The following ADCK5 variants were observed in gnomAD, a reference collection of about 807,000 sequenced individuals.
ADCK5 encodes uncharacterized aarF domain-containing protein kinase 5.
In ADCK5, 43 loss-of-function variants were observed where a neutral mutation model predicts 64.9. The observed-to-expected ratio is 0.66, with a 90% confidence interval of 0.52 to 0.85. ADCK5 has a LOEUF of 0.85. Among genes scored for constraint, ADCK5 ranks in the 40% least tolerant of loss-of-function variants. The pLI is 0.00. For synonymous variants in ADCK5, 434 were observed against 342.8 expected (o/e 1.27, Z -2.94); for missense variants, 760 against 810.5 (o/e 0.94, Z 0.76).
At chr8:144,382,692 C>G (rs1586582455) in intron 2 of ADCK5, among the ~76,000 whole-genome samples, 1 of 152,332 alleles carries the variant, frequency 6.6e-6, no homozygotes, top group South Asian at 2.1e-4. Flanking sequence ...TGCTGATGAC[C>G]ATCCAGTTGA....
rs1554861122 is a variant in ADCK5 at position 144,392,296 on chromosome 8, G to A, written c.1218G>A (p.Leu406=). 2.0e-6 allele frequency: 3 copies of A among 1,509,354 alleles called. No individual in the cohort carries two copies. The highest frequency in any genetic ancestry group is 2.6e-6 in the Non-Finnish European group (3 of 1,132,246). 93.5% of individuals were successfully genotyped at this position (1,509,354 alleles called of 1,614,324 possible). A position where few individuals can be genotyped will look rare whatever the true frequency, so the allele number is the denominator to read the frequency against. Residue 406 remains leucine (L), a synonymous_variant, in exon 12 of 15, where the codon CTG becomes CTA. Coordinates refer to ENST00000308860, the MANE Select transcript of ADCK5 (RefSeq NM_174922.5). ...ALCQLWRAII[L]RDDAAMRAHA... is the part of the protein sequence containing the mutation. ...GCCAGCTGTGGCGGGCCATCATCCT[G>A]CGGGACGACGCCGCCATGAGGGCGC...
Position 144,392,861 on chromosome 8 carries a change from T to G in ADCK5, c.1606T>G (p.Trp536Gly). ...CCTCCTGCGCCACGCCAAGGTCGTC[T>G]GGGAGATGCTCAAGTTTGAAGTGGC... The part of the protein sequence containing the change: ...TSLLRHAKVV[W>G]EMLKFEVALR... Residue 536 changes from tryptophan (W) to glycine (G), a missense_variant, in exon 14 of 15, where the codon TGG becomes GGG. Physicochemically the swap from Trp to Gly is radical, Grantham distance 184. Transcript: ENST00000308860. The G allele has an allele frequency of 6.2e-7, 1 of 1,600,234 alleles. No homozygotes were observed. The highest frequency in any genetic ancestry group is 2.2e-5 in the East Asian group (1 of 44,558).
chr8:144,374,948 G>T (rs1586571071), intron 1 of ADCK5, among the ~76,000 whole-genome samples: 3 of 152,258 alleles, frequency 2.0e-5, no homozygotes, highest in Non-Finnish European at 4.4e-5. Context: ...CAGAAGAGAT[G>T]AAGGGGCTCC....
chr8:144,383,084 C>G lies in ADCK5; in HGVS notation c.120C>G (p.Phe40Leu). The G allele has an allele frequency of 6.3e-7, 1 of 1,587,926 alleles. No homozygotes were observed. The highest frequency in any genetic ancestry group is 8.6e-7 in the Non-Finnish European group (1 of 1,167,262). Residue 40 changes from phenylalanine (F) to leucine (L), a missense_variant, in exon 3 of 15, where the codon TTC becomes TTG. This residue lies in a region of ADCK5 where 427 missense variants were observed against 518.4 expected (regional missense o/e 0.82). Coordinates refer to ENST00000308860, the MANE Select transcript of ADCK5 (RefSeq NM_174922.5). ...AGGCTGCATTGTCTCTCCTCAGGTT[C>G]TCCAGCCCCACACCCCTGTGGAGGA... Reference protein sequence around the residue: ...RRNVRGLPPRFSSPTPLWRKV... With the variant: ...RRNVRGLPPRLSSPTPLWRKV...
In ADCK5 at chr8:144,392,869, G is replaced by A. The variant is rs144632415; in HGVS notation, c.1614G>A (p.Met538Ile). 5.0e-6 allele frequency: 8 copies of A among 1,601,284 alleles called. No individual in the cohort carries two copies. Among genetic ancestry groups the A allele is most frequent in the Non-Finnish European group, 6.8e-6 (8 of 1,176,912 alleles). The change falls in exon 14 of 15, where the codon ATG (methionine) becomes ATA (isoleucine). Residue 538 changes from methionine to isoleucine, a missense_variant. By Grantham distance (10) the Met-to-Ile change is conservative. Coordinates refer to ENST00000308860, the MANE Select transcript of ADCK5 (RefSeq NM_174922.5). ...LLRHAKVVWEMLKFEVALRLE... is the reference protein window; with the variant it reads ...LLRHAKVVWEILKFEVALRLE... ...GCCACGCCAAGGTCGTCTGGGAGAT[G>A]CTCAAGTTTGAAGTGGCGCTCAGGT... is the stretch of plus-strand genomic sequence containing the variant.
upstream of ADCK5, among the ~76,000 whole-genome samples, chr8:144,373,487 G>C (rs1819234908): frequency 6.6e-6 from 1 of 152,226 alleles, no homozygotes; most frequent in South Asian, 2.1e-4. Context: ...AAGAAGCTAA[G>C]TGACAGGGAC....
At chr8:144,381,079 C>T (rs1202174718) in intron 2 of ADCK5, among the ~76,000 whole-genome samples, 1 of 148,838 alleles carries the variant, frequency 6.7e-6, no homozygotes, top group East Asian at 2.0e-4. Context: ...CAGGCACCTG[C>T]TGCACTAAGG....
intron 1 of ADCK5, among the ~76,000 whole-genome samples, chr8:144,379,158 C>G (rs1819494314): frequency 6.6e-6 from 1 of 152,086 alleles, no homozygotes. Flanking sequence ...GTCTCAAACT[C>G]CTGGCCTCAG....
chr8:144,389,732 A>C (rs1174243956), intron 3 of ADCK5, among the ~76,000 whole-genome samples: 2 of 151,580 alleles, frequency 1.3e-5, no homozygotes, highest in Non-Finnish European at 2.9e-5. Context: ...AGGTTTCACC[A>C]TGTTGGTCAG....
At chr8:144,380,432 T>C (rs71520570) in intron 2 of ADCK5, among the ~76,000 whole-genome samples, 19 of 114,468 alleles carry the variant, frequency 1.7e-4, no homozygotes, top group South Asian at 6.0e-4. Flanking sequence ...AGGCACCTGC[T>C]GCACTCAGGA....
intron 3 of ADCK5, among the ~76,000 whole-genome samples, chr8:144,383,659 G>C (rs1292662616): frequency 3.9e-5 from 6 of 152,200 alleles, no homozygotes; most frequent in African/African-American, 1.4e-4. Flanking sequence ...TCTGTCCCTT[G>C]CCCTGGAGAT....
At chr8:144,374,853 G>A (rs1439534104) in intron 1 of ADCK5, among the ~76,000 whole-genome samples, 2 of 152,184 alleles carry the variant, frequency 1.3e-5, no homozygotes, top group East Asian at 1.9e-4. Flanking sequence ...CCACGTCGCC[G>A]CCGGGTCCCG....
At chr8:144,392,914 G>C (rs1554861634) in intron 14 of ADCK5, 22 bp downstream of exon 14, 2 of 1,595,184 alleles carry the variant, frequency 1.3e-6, no homozygotes, top group Admixed American at 1.7e-5. Context: ...CGGGGCAGGT[G>C]GGTGGCGGGG....
intron 1 of ADCK5, among the ~76,000 whole-genome samples, chr8:144,379,050 C>T (rs1375795254): frequency 4.0e-5 from 6 of 151,832 alleles, no homozygotes; most frequent in Middle Eastern, 3.4e-3. Context: ...TCTCCTGCCT[C>T]AGCCTCCCGA....
rs138040309 is a variant in ADCK5, at chr8:144,383,150, C to T, written c.186C>T (p.Leu62=). 2.8e-4 allele frequency: 441 copies of T among 1,593,564 alleles called. 1 individual carries two copies. Among genetic ancestry groups the T allele is most frequent in the Non-Finnish European group, 3.5e-4 (413 of 1,170,586 alleles). The change falls in exon 3 of 15, where the codon CTC becomes CTT. Residue 62 remains leucine (L), a synonymous_variant. Transcript: ENST00000308860. The part of the protein sequence containing the change: ...STAVVGAPLL[L]GARYVMAEAR... ...CGGTAGTGGGGGCGCCCCTGCTCCT[C>T]GGAGCCCGCTATGTCATGGCAGAGG... is the stretch of plus-strand genomic sequence containing the variant.
Position 144,379,487 on chromosome 8 carries a change from C to T in ADCK5, c.113C>T (p.Pro38Leu). The change falls in exon 2 of 15, where the codon CCA (proline) becomes CTA (leucine). Residue 38 changes from proline to leucine, a missense_variant. Pro to Leu is a moderately conservative substitution (Grantham distance 98). Transcript: ENST00000308860. ...FFRRNVRGLP[P>L]RFSSPTPLWR... ...AGGAGAAACGTCAGGGGCCTTCCTC[C>T]AAGGTAACGAGTCCTCCACGGGCAT... The T allele has an allele frequency of 6.3e-7, 1 of 1,599,578 alleles. No homozygotes were observed. Among genetic ancestry groups the T allele is most frequent in the Non-Finnish European group, 8.5e-7 (1 of 1,171,166 alleles).
chr8:144,391,030 A>C lies in ADCK5; in HGVS notation c.517A>C (p.Arg173=). The C allele has an allele frequency of 1.2e-6, 2 of 1,612,764 alleles. No homozygotes were observed. Among genetic ancestry groups the C allele is most frequent in the Non-Finnish European group, 1.7e-6 (2 of 1,179,992 alleles). ...YTRTLRVLED[R]ALKRGFQEVD... is the part of the protein sequence containing the mutation. ...CCGGACCCTGCGCGTGCTAGAGGAC[A>C]GGGCCCTCAAGCGGGGCTTCCAGGA... The change falls in exon 5 of 15, where the codon AGG becomes CGG. Residue 173 remains arginine (R), a synonymous_variant. Coordinates refer to ENST00000308860, the MANE Select transcript of ADCK5 (RefSeq NM_174922.5).
chr8:144,383,467 C>T (rs1362307084), intron 3 of ADCK5, among the ~76,000 whole-genome samples: 1 of 152,178 alleles, frequency 6.6e-6, no homozygotes, highest in African/African-American at 2.4e-5. Context: ...CAAGGGTCCT[C>T]CACATTGGAT....
intron 3 of ADCK5, among the ~76,000 whole-genome samples, chr8:144,386,084 C>T (rs915659358): frequency 5.3e-5 from 8 of 151,876 alleles, no homozygotes; most frequent in African/African-American, 1.9e-4. Context: ...TCTCAGCTCA[C>T]TGCAACCTCC....
Sources: gnomAD v4.1 joint callset for allele counts (sites outside exome capture counted in the v4.1 genomes callset) on GRCh38, gnomAD v4.1.1 for gene constraint, gnomAD v4.1.1 regional missense constraint, MANE v1.5 for transcripts, NCBI Gene and HGNC (gene_info 2026-07-23, HGNC 2026-07-21) for gene names.